ADAMTS2: variants seen among roughly 807,000 people sequenced by gnomAD.
ADAMTS2 encodes ADAM metallopeptidase with thrombospondin type 1 motif 2.
Under a neutral mutation model 123.0 loss-of-function variants are expected in ADAMTS2, and 50 were observed. The ratio of observed to expected loss-of-function variants is 0.41; its 90% CI spans 0.32 to 0.51. The LOEUF (loss-of-function observed/expected upper bound fraction) is 0.51. Ranked by LOEUF, ADAMTS2 falls within the 20% of genes least tolerant of loss-of-function variation. ADAMTS2 has a pLI of 0.35. For synonymous variants in ADAMTS2, 678 were observed against 695.4 expected (o/e 0.98, Z 0.39); for missense variants, 1,494 against 1,705.2 (o/e 0.88, Z 2.18).
At chr5:179,172,239 C>T (rs952026455) in intron 5 of ADAMTS2, among the ~76,000 whole-genome samples, 2 of 152,222 alleles carry the variant, frequency 1.3e-5, no homozygotes, top group Non-Finnish European at 2.9e-5. Flanking sequence ...CTCAGCACCC[C>T]CAGGGCCTGC....
chr5:179,204,847 C>T (rs899662761), intron 4 of ADAMTS2, among the ~76,000 whole-genome samples: 2 of 152,186 alleles, frequency 1.3e-5, no homozygotes, highest in Non-Finnish European at 2.9e-5. Context: ...CACGCCCCGC[C>T]GCCTCTGCAG....
At position 179,332,902 on chromosome 5, in the gene ADAMTS2, C is replaced by T. The variant is rs1341276270; in HGVS notation, c.534+10865G>A. ...GGTCTGCAGGATCAGTGCTCAACGCCCATGGAGCTCCAGGTGGCCGCCAAG... is the reference window on the plus strand; with the variant it reads ...GGTCTGCAGGATCAGTGCTCAACGCTCATGGAGCTCCAGGTGGCCGCCAAG... On this transcript the variant is annotated intron_variant, in intron 2 of 21. Transcript: ENST00000251582. The surrounding 1 kb of genome is among the most constrained non-coding windows in gnomAD (Gnocchi z 4.2). 4.6e-5 allele frequency among the ~76,000 whole-genome samples: 7 copies of T among 152,278 alleles called. No homozygotes were observed. The East Asian group carries it at 1.4e-3, about 29-fold the overall frequency.
chr5:179,270,308 G>A (rs1462327186), intron 3 of ADAMTS2, among the ~76,000 whole-genome samples: 3 of 152,132 alleles, frequency 2.0e-5, no homozygotes, highest in Non-Finnish European at 4.4e-5. Context: ...CACCCAGACA[G>A]ATGCCCATCC....
At position 179,207,493 on chromosome 5, in the gene ADAMTS2, C is replaced by T. The variant is rs755430347; in HGVS notation, c.891+20G>A. 10 of 1,531,178 alleles carry T rather than the reference C, an allele frequency of 6.5e-6. No individual in the cohort carries two copies. In the Admixed American group the frequency reaches 1.5e-4, roughly 23 times the overall value. 94.8% of individuals were successfully genotyped at this position (1,531,178 alleles called of 1,614,324 possible). Reference sequence around the variant, plus strand: ...TTGACCCTCCCCGCCCCACCCTGCCCCCTCAGCCACCCCACTCACAATGTT... The same window carrying T: ...TTGACCCTCCCCGCCCCACCCTGCCTCCTCAGCCACCCCACTCACAATGTT... On this transcript the variant is annotated intron_variant, in intron 4 of 21. Transcript: ENST00000251582.
At chr5:179,208,643 G>A (rs544981915) in intron 3 of ADAMTS2, among the ~76,000 whole-genome samples, 1 of 152,284 alleles carries the variant, frequency 6.6e-6, no homozygotes, top group South Asian at 2.1e-4. Context: ...TCAGTTCCCA[G>A]CCCTCCACTG....
rs1045014949 is a variant in ADAMTS2 at position 179,256,059 on chromosome 5, G to C, written c.688+16852C>G. On this transcript the variant is annotated intron_variant, in intron 3 of 21. Transcript: ENST00000251582. This position sits in a 1 kb window ranked among gnomAD's most constrained non-coding sequence, Gnocchi z 4.1. ...CTGTCCCCAGCCTCTCCCGCAGCTT[G>C]GCCTTGGTCCACCGTGGACAGCGTC... 6.6e-6 allele frequency among the ~76,000 whole-genome samples: 1 copy of C among 152,164 alleles called. No homozygotes were observed. The highest frequency in any genetic ancestry group is 2.4e-5 in the African/African-American group (1 of 41,426).
intron 2 of ADAMTS2, among the ~76,000 whole-genome samples, chr5:179,341,541 A>AT (rs1226992970): frequency 2.7e-5 from 4 of 145,698 alleles, no homozygotes; most frequent in African/African-American, 4.9e-5. Context: ...TCTACTAAAA[A>AT]TTAAAAAAAA....
At chr5:179,135,490 G>A (rs988135132) in intron 13 of ADAMTS2, among the ~76,000 whole-genome samples, 4 of 152,242 alleles carry the variant, frequency 2.6e-5, no homozygotes, top group African/African-American at 9.6e-5. Context: ...CACCAAACCA[G>A]TGACCCTCAC....
intron 21 of ADAMTS2, among the ~76,000 whole-genome samples, chr5:179,119,445 G>T (rs1263722615): frequency 3.3e-5 from 5 of 152,260 alleles, no homozygotes; most frequent in Non-Finnish European, 7.3e-5. Context: ...AAAGGGAGGA[G>T]TGAGACTTCC....
chr5:179,270,334 A>G (rs949663110), intron 3 of ADAMTS2, among the ~76,000 whole-genome samples: 1 of 152,110 alleles, frequency 6.6e-6, no homozygotes, highest in Non-Finnish European at 1.5e-5. Flanking sequence ...TGGGACACCC[A>G]GGGCAGGTGT....
intron 3 of ADAMTS2, among the ~76,000 whole-genome samples, chr5:179,263,924 T>C (rs926503876): frequency 1.3e-5 from 2 of 152,236 alleles, no homozygotes; most frequent in African/African-American, 2.4e-5. Flanking sequence ...GAAATTTTTA[T>C]AGAAAATATT....
chr5:179,207,388 C>T, intron 4 of ADAMTS2, 125 bp downstream of exon 4: 2 of 1,019,622 alleles, frequency 2.0e-6, no homozygotes, highest in East Asian at 2.6e-5. Context: ...CTGTGTCACT[C>T]ACCTCCGGCT....
rs1359374766 is a variant in ADAMTS2, at chr5:179,206,824, A to C, written c.891+689T>G. Among the ~76,000 whole-genome samples, 3 of 152,126 alleles carry C rather than the reference A, an allele frequency of 2.0e-5. No individual in the cohort carries two copies. In the East Asian group the frequency reaches 5.8e-4, roughly 29 times the overall value. On this transcript the variant is annotated intron_variant, in intron 4 of 21. Coordinates refer to ENST00000251582, the MANE Select transcript of ADAMTS2 (RefSeq NM_014244.5). ...CTTAGGTTGTTGGGGGTATGGAATG[A>C]GGGGGAGGTGGTTCTTTAATCTCTT...
At chr5:179,190,676 C>G (rs1764283765) in intron 4 of ADAMTS2, among the ~76,000 whole-genome samples, 1 of 152,230 alleles carries the variant, frequency 6.6e-6, no homozygotes, top group African/African-American at 2.4e-5. Flanking sequence ...TGGTGGTGGT[C>G]TCTTCACACG....
intron 3 of ADAMTS2, among the ~76,000 whole-genome samples, chr5:179,243,796 G>A (rs1224449936): frequency 6.6e-6 from 1 of 152,164 alleles, no homozygotes; most frequent in Non-Finnish European, 1.5e-5. Flanking sequence ...CTTATGTAAA[G>A]GAGTGATGAT....
At chr5:179,330,478 C>A (rs1253956817) in intron 2 of ADAMTS2, among the ~76,000 whole-genome samples, 1 of 152,276 alleles carries the variant, frequency 6.6e-6, no homozygotes, top group Non-Finnish European at 1.5e-5. Flanking sequence ...GCAACTGCCC[C>A]GGCTTTGGTT....
intron 3 of ADAMTS2, among the ~76,000 whole-genome samples, chr5:179,238,725 G>A (rs551270126): frequency 4.6e-5 from 7 of 152,298 alleles, no homozygotes; most frequent in Admixed American, 3.3e-4. Context: ...GTCCCAGGGC[G>A]AGGCGCTGGG....
At chr5:179,218,308 C>T (rs1765049753) in intron 3 of ADAMTS2, among the ~76,000 whole-genome samples, 1 of 152,216 alleles carries the variant, frequency 6.6e-6, no homozygotes, top group Non-Finnish European at 1.5e-5. Flanking sequence ...CCATTTCTTA[C>T]TAACCAAGAG....
At chr5:179,139,119 C>T (rs923109674) in intron 11 of ADAMTS2, among the ~76,000 whole-genome samples, 4 of 152,160 alleles carry the variant, frequency 2.6e-5, no homozygotes, top group African/African-American at 9.6e-5. Flanking sequence ...GGCGTAAGAG[C>T]CCGCTGCGCA....
Sources: allele counts gnomAD v4.1 joint callset (sites outside exome capture counted in the v4.1 genomes callset), GRCh38; gene constraint gnomAD v4.1.1; non-coding constraint Gnocchi (gnomAD v3.1); transcripts MANE v1.5; gene names NCBI Gene and HGNC (gene_info 2026-07-23, HGNC 2026-07-21).